Variants in SPEF2 observed in about 807,000 individuals in gnomAD.
SPEF2 encodes the protein sperm flagella and cilia-associated protein 2.
A neutral mutation model predicts 224.6 loss-of-function variants in SPEF2; 187 were observed. That is an observed-to-expected ratio of 0.83 (90% CI 0.74 to 0.94). The LOEUF is 0.94. Among genes scored for constraint, SPEF2 ranks in the 40% least tolerant of loss-of-function variants. SPEF2 has a pLI of 0.00. For synonymous variants in SPEF2, 715 were observed against 707.3 expected (o/e 1.01, Z -0.17); for missense variants, 2,170 against 2,135.6 (o/e 1.02, Z -0.32).
chr5:35,777,077 A>G (rs1206938152), intron 29 of SPEF2, among the ~76,000 whole-genome samples: 1 of 152,210 alleles, frequency 6.6e-6, no homozygotes, highest in Non-Finnish European at 1.5e-5. Flanking sequence ...CAGCCAGGCT[A>G]TTTCAGAAGT....
chr5:35,687,207 C>T (rs1039688397), intron 10 of SPEF2, among the ~76,000 whole-genome samples: 1 of 151,948 alleles, frequency 6.6e-6, no homozygotes, highest in African/African-American at 2.4e-5. Context: ...TTTCAAATAC[C>T]AGTTGTAAAA....
intron 21 of SPEF2, among the ~76,000 whole-genome samples, chr5:35,730,560 C>T (rs1745478910): frequency 6.6e-6 from 1 of 152,228 alleles, no homozygotes; most frequent in Non-Finnish European, 1.5e-5. Context: ...TAAAGCATAG[C>T]TTTTGATCAA....
intron 27 of SPEF2, 150 bp downstream of exon 27, chr5:35,771,906 G>T: frequency 3.0e-6 from 3 of 998,816 alleles, no homozygotes; most frequent in Non-Finnish European, 4.2e-6. Flanking sequence ...TATGATTTGT[G>T]GTGTTAGTGG....
chr5:35,700,838 A>G lies in SPEF2; in HGVS notation c.2398+86A>G, dbSNP rs6451207. ...AGTGAATACTCCCATTTACAATTAT[A>G]AATGAGTACAAAATAATCCACTTCA... On this transcript the variant is annotated intron_variant, in intron 16 of 36. Coordinates refer to ENST00000356031, the MANE Select transcript of SPEF2 (RefSeq NM_024867.4). 618,893 of 1,375,688 alleles carry G rather than the reference A, an allele frequency of 0.45. 143,415 individuals are homozygous for G. The highest frequency in any genetic ancestry group is 0.48 in the Non-Finnish European group (484,921 of 1,001,420). 85.2% of individuals were successfully genotyped at this position (1,375,688 alleles called of 1,614,324 possible). A position where few individuals can be genotyped will look rare whatever the true frequency, so the allele number is the denominator to read the frequency against.
chr5:35,663,978 A>G (rs1750083556), intron 8 of SPEF2, among the ~76,000 whole-genome samples: 1 of 152,036 alleles, frequency 6.6e-6, no homozygotes, highest in Non-Finnish European at 1.5e-5. Context: ...GCCCCCCTTC[A>G]TTTTCATTGC....
intron 1 of SPEF2, among the ~76,000 whole-genome samples, chr5:35,620,732 G>A (rs750942149): frequency 3.7e-4 from 57 of 152,092 alleles, no homozygotes; most frequent in Admixed American, 2.2e-3. Context: ...ATAACTTTTG[G>A]CTTAAAGGAT....
intron 1 of SPEF2, among the ~76,000 whole-genome samples, chr5:35,618,868 TGTC>T (rs1474140879): frequency 1.4e-5 from 2 of 144,424 alleles, no homozygotes; most frequent in East Asian, 5.5e-4. Flanking sequence ...TGGTTTTGTT[TGTC>T]TTTTTTTCTT....
intron 9 of SPEF2, among the ~76,000 whole-genome samples, chr5:35,669,584 A>T (rs1455629679): frequency 6.6e-6 from 1 of 152,076 alleles, no homozygotes; most frequent in African/African-American, 2.4e-5. Flanking sequence ...AGCTAGTAAA[A>T]TGTCCGGAAC....
intron 1 of SPEF2, among the ~76,000 whole-genome samples, chr5:35,622,440 C>T (rs1561084935): frequency 6.6e-6 from 1 of 152,104 alleles, no homozygotes; most frequent in East Asian, 1.9e-4. Context: ...ATTATGGAAT[C>T]GTATAACTTT....
chr5:35,732,264 A>G (rs1467655560), intron 21 of SPEF2, among the ~76,000 whole-genome samples: 1 of 152,184 alleles, frequency 6.6e-6, no homozygotes, highest in Non-Finnish European at 1.5e-5. Context: ...GAGGGCTGTG[A>G]GCAGGATATT....
intron 18 of SPEF2, among the ~76,000 whole-genome samples, chr5:35,706,062 A>G (rs1012950124): frequency 2.7e-5 from 4 of 150,256 alleles, no homozygotes; most frequent in Admixed American, 1.3e-4. Flanking sequence ...AAAAAAAACA[A>G]GAAAAAAACC....
At chr5:35,629,485 A>G (rs1332136093) in intron 2 of SPEF2, among the ~76,000 whole-genome samples, 2 of 152,134 alleles carry the variant, frequency 1.3e-5, no homozygotes, top group Non-Finnish European at 2.9e-5. Context: ...AAGAAGTGAA[A>G]CAACATATAG....
intron 8 of SPEF2, among the ~76,000 whole-genome samples, chr5:35,661,734 T>C (rs558314666): frequency 6.6e-6 from 1 of 152,288 alleles, no homozygotes; most frequent in African/African-American, 2.4e-5. Flanking sequence ...GCTCAATCCA[T>C]GTCTCTGCAA....
chr5:35,800,044 C>A lies in SPEF2; in HGVS notation c.4907C>A (p.Ala1636Asp). 1 of 1,614,138 alleles carries A rather than the reference C, an allele frequency of 6.2e-7. No homozygotes were observed. Among genetic ancestry groups the A allele is most frequent in the Non-Finnish European group, 8.5e-7 (1 of 1,180,022 alleles). Residue 1636 changes from alanine to aspartate, a missense_variant, in exon 34 of 37, where the codon GCT becomes GAT. Ala to Asp is a moderately radical substitution (Grantham distance 126). Coordinates refer to ENST00000356031, the MANE Select transcript of SPEF2 (RefSeq NM_024867.4). ...TACACACAGATGCTGCTTTACTTTG[C>A]TTGCCACCCAGACACCGTGGAAGGA... ...LDYTQMLLYF[A>D]CHPDTVEGVY...
intron 20 of SPEF2, among the ~76,000 whole-genome samples, chr5:35,716,315 T>A (rs1430880747): frequency 6.6e-6 from 1 of 152,140 alleles, no homozygotes; most frequent in Non-Finnish European, 1.5e-5. Context: ...CTCTCACTTG[T>A]TTACTAATAG....
chr5:35,639,360 A>T (rs1746279842), intron 2 of SPEF2, among the ~76,000 whole-genome samples: 1 of 152,300 alleles, frequency 6.6e-6, no homozygotes, highest in East Asian at 1.9e-4. Context: ...TTTAAATAAG[A>T]CAAGGATCAG....
intron 36 of SPEF2, among the ~76,000 whole-genome samples, chr5:35,810,395 T>A (rs1446393629): frequency 2.6e-5 from 4 of 152,132 alleles, no homozygotes; most frequent in African/African-American, 9.7e-5. Context: ...GTATTTTTAG[T>A]AGAGATGGGG....
At chr5:35,660,911 G>A (rs1749602380) in intron 8 of SPEF2, among the ~76,000 whole-genome samples, 1 of 152,022 alleles carries the variant, frequency 6.6e-6, no homozygotes, top group South Asian at 2.1e-4. Flanking sequence ...TAAATTGTGA[G>A]GTTCTGAAGC....
In SPEF2 at chr5:35,649,223, T is replaced by C; in HGVS notation, c.727-138T>C. On this transcript the variant is annotated intron_variant, in intron 5 of 36. Transcript: ENST00000356031. ...AACAAATCAAAATTATAAAAAAAAT[T>C]TTTAGAATGCAGCTTTTCATATCCT... 9.1e-6 allele frequency: 6 copies of C among 657,386 alleles called. No individual in the cohort carries two copies. The South Asian group carries it at 1.6e-4, about 18-fold the overall frequency. 40.7% of individuals were successfully genotyped at this position (657,386 alleles called of 1,614,324 possible). A position where few individuals can be genotyped will look rare whatever the true frequency, so the allele number is the denominator to read the frequency against.
Sources: allele counts gnomAD v4.1 joint callset (sites outside exome capture counted in the v4.1 genomes callset), GRCh38; gene constraint gnomAD v4.1.1; transcripts MANE v1.5; gene names NCBI Gene and HGNC (gene_info 2026-07-23, HGNC 2026-07-21).